The following RBKS variants were observed in gnomAD, a reference collection of about 807,000 sequenced individuals.
RBKS encodes the protein ribokinase.
Under a neutral mutation model 33.9 loss-of-function variants are expected in RBKS, and 33 were observed. The observed-to-expected ratio is 0.97, with a 90% CI of 0.74 to 1.30. RBKS has a LOEUF of 1.30. Among genes scored for constraint, RBKS ranks in the 50% most tolerant of loss-of-function variants. The probability of loss-of-function intolerance (pLI) is 0.00; values close to 1 mark genes in which losing one functional copy is unlikely to be tolerated. For missense variants in RBKS, 361 were observed against 392.6 expected, an observed-to-expected ratio of 0.92 and a Z score of 0.68; for synonymous variants, 125 against 143.0, an observed-to-expected ratio of 0.87 and a Z score of 0.90.
chr2:27,845,908 T>C lies in RBKS; in HGVS notation c.349+1134A>G, dbSNP rs553127424. On this transcript the variant is annotated intron_variant, in intron 4 of 7. Transcript: ENST00000302188. ...TGATTTAAAAAAACTTATGTAGGCGTTTTTATAATTAAAACAGTTGGCAGA... is the reference window on the plus strand; with the variant it reads ...TGATTTAAAAAAACTTATGTAGGCGCTTTTATAATTAAAACAGTTGGCAGA... 2.3e-4 allele frequency among the ~76,000 whole-genome samples: 35 copies of C among 152,306 alleles called. No individual in the cohort carries two copies. In the South Asian group the frequency reaches 7.2e-3, roughly 32 times the overall value.
chr2:27,890,252 C>A lies in RBKS; in HGVS notation c.89+5G>T. Reference sequence around the variant, plus strand: ...CGCAGACTGAGTAACTGGCCCCGGACTAACCTGACCAGGTCGGTCATGCAG... The same window carrying A: ...CGCAGACTGAGTAACTGGCCCCGGAATAACCTGACCAGGTCGGTCATGCAG... On this transcript the variant is annotated splice_donor_5th_base_variant and intron_variant, in intron 1 of 7. Transcript: ENST00000302188. The surrounding 1 kb of genome is among the most constrained non-coding windows in gnomAD (Gnocchi z 4.8). 4 of 1,613,402 alleles carry A rather than the reference C, an allele frequency of 2.5e-6. No homozygotes were observed. The highest frequency in any genetic ancestry group is 3.4e-6 in the Non-Finnish European group (4 of 1,179,864).
chr2:27,863,936 C>T (rs1231782571), intron 1 of RBKS, among the ~76,000 whole-genome samples: 1 of 152,184 alleles, frequency 6.6e-6, no homozygotes, highest in African/African-American at 2.4e-5. Context: ...GTTCCCTAAC[C>T]CTTCATTTGC....
At chr2:27,826,073 A>T (rs547637701) in intron 7 of RBKS, among the ~76,000 whole-genome samples, 3 of 152,356 alleles carry the variant, frequency 2.0e-5, no homozygotes, top group African/African-American at 7.2e-5. Flanking sequence ...GAAATGACTA[A>T]ATATGAAGAG....
intron 1 of RBKS, among the ~76,000 whole-genome samples, chr2:27,885,552 G>T (rs1398859896): frequency 6.6e-6 from 1 of 151,812 alleles, no homozygotes; most frequent in East Asian, 1.9e-4. Context: ...TATTCCTTCT[G>T]CCTGGAATGC....
At chr2:27,886,958 C>A (rs753606767) in intron 1 of RBKS, among the ~76,000 whole-genome samples, 1 of 152,076 alleles carries the variant, frequency 6.6e-6, no homozygotes, top group African/African-American at 2.4e-5. Flanking sequence ...CAAGCTTAAC[C>A]ACTGTGGTAG....
chr2:27,858,742 T>G (rs750704633), intron 1 of RBKS, among the ~76,000 whole-genome samples, 171 bp from the exon 2 acceptor site: 1 of 152,184 alleles, frequency 6.6e-6, no homozygotes, highest in East Asian at 1.9e-4. Flanking sequence ...ATTTAGTAGT[T>G]TGCATCATTA....
At chr2:27,847,373 A>T (rs890043952) in intron 3 of RBKS, among the ~76,000 whole-genome samples, 1 of 152,238 alleles carries the variant, frequency 6.6e-6, no homozygotes, top group African/African-American at 2.4e-5. Context: ...CCAATTATTC[A>T]TAATTGTATA....
In RBKS at chr2:27,856,303, G is replaced by A. The variant is rs139107130; in HGVS notation, c.222+2136C>T. 6.3e-3 allele frequency among the ~76,000 whole-genome samples: 966 copies of A among 152,298 alleles called. 7 individuals carry two copies. Among genetic ancestry groups the A allele is most frequent in the Non-Finnish European group, 7.9e-3 (538 of 68,032 alleles). On this transcript the variant is annotated intron_variant, in intron 2 of 7. Coordinates refer to ENST00000302188, the MANE Select transcript of RBKS (RefSeq NM_022128.3). ...TGCTAAGCATTAGGTGACTAAATCA[G>A]GGGCATGGTAGATGTATAGAACTTT...
At position 27,890,156 on chromosome 2, in the gene RBKS, C is replaced by A; in HGVS notation, c.89+101G>T. 9.3e-7 allele frequency: 1 copy of A among 1,077,334 alleles called. No homozygotes were observed. The highest frequency in any genetic ancestry group is 1.4e-5 in the South Asian group (1 of 73,714). 66.7% of individuals were successfully genotyped at this position (1,077,334 alleles called of 1,614,324 possible). ...AGCTCATACCCAAAGCTAGCACTGT[C>A]TATCCCTGGAGACCCAGCGCCCAAA... On this transcript the variant is annotated intron_variant, in intron 1 of 7. Coordinates refer to ENST00000302188, the MANE Select transcript of RBKS (RefSeq NM_022128.3). The surrounding 1 kb of genome is among the most constrained non-coding windows in gnomAD (Gnocchi z 4.8).
chr2:27,876,001 A>C (rs929293645), intron 1 of RBKS, among the ~76,000 whole-genome samples: 14 of 152,352 alleles, frequency 9.2e-5, no homozygotes, highest in African/African-American at 2.4e-4. Context: ...AGTAAGATGC[A>C]GAATAGGGAC....
intron 4 of RBKS, among the ~76,000 whole-genome samples, chr2:27,844,326 C>T (rs922450602): frequency 3.4e-5 from 5 of 149,218 alleles, no homozygotes; most frequent in East Asian, 2.0e-4. Flanking sequence ...AAAATACAAG[C>T]GGATTTCAAA....
At chr2:27,827,924 A>G (rs1678347142) in intron 6 of RBKS, among the ~76,000 whole-genome samples, 169 bp from the exon 7 acceptor site, 1 of 152,224 alleles carries the variant, frequency 6.6e-6, no homozygotes, top group Non-Finnish European at 1.5e-5. Context: ...AACAGTGATG[A>G]CAAAAACCAT....
At position 27,795,703 on chromosome 2, in the gene RBKS, C is replaced by T. The variant is rs559228319; in HGVS notation, c.796-13915G>A. ...ACTTTGTACCCAGACCCAGTGATTC[C>T]GCTCCCATCCTGTTTCACCACCCAG... is the stretch of plus-strand genomic sequence containing the variant. On this transcript the variant is annotated intron_variant, in intron 7 of 7. Transcript: ENST00000302188. This position sits in a 1 kb window ranked among gnomAD's most constrained non-coding sequence, Gnocchi z 4.1. 6.6e-5 allele frequency among the ~76,000 whole-genome samples: 10 copies of T among 152,200 alleles called. No individual in the cohort carries two copies. Among genetic ancestry groups the T allele is most frequent in the African/African-American group, 9.6e-5 (4 of 41,502 alleles).
intron 7 of RBKS, among the ~76,000 whole-genome samples, chr2:27,811,533 A>C (rs577434816): frequency 6.6e-6 from 1 of 152,306 alleles, no homozygotes; most frequent in African/African-American, 2.4e-5. Flanking sequence ...TCTGAGAATA[A>C]GATGAAAGGC....
intron 1 of RBKS, among the ~76,000 whole-genome samples, chr2:27,861,947 ATTTTTTT>A (rs763090773): frequency 1.8e-5 from 2 of 113,726 alleles, no homozygotes; most frequent in African/African-American, 7.0e-5. Context: ...GCCTGGCCTG[ATTTTTTT>A]TTTTTTTTTT....
intron 1 of RBKS, among the ~76,000 whole-genome samples, chr2:27,860,382 C>T (rs1472896058): frequency 6.6e-6 from 1 of 152,106 alleles, no homozygotes; most frequent in Non-Finnish European, 1.5e-5. Flanking sequence ...CTGCTACAAA[C>T]AACACTCAGA....
At chr2:27,841,285 G>A (rs1663499273) in intron 5 of RBKS, among the ~76,000 whole-genome samples, 1 of 152,136 alleles carries the variant, frequency 6.6e-6, no homozygotes, top group Admixed American at 6.5e-5. Context: ...GTAGGTAACA[G>A]GCAACTAGAC....
At chr2:27,839,205 A>T (rs192472117) in intron 5 of RBKS, among the ~76,000 whole-genome samples, 9 of 152,368 alleles carry the variant, frequency 5.9e-5, no homozygotes, top group African/African-American at 2.2e-4. Flanking sequence ...CTGGATGGCC[A>T]GATAAGAAGT....
intron 7 of RBKS, among the ~76,000 whole-genome samples, chr2:27,817,340 TA>T (rs1250130192): frequency 5.9e-5 from 9 of 152,170 alleles, no homozygotes; most frequent in East Asian, 1.9e-4. Context: ...AGAAATGTAA[TA>T]AAAAAATGAT....
Sources: gnomAD v4.1 joint callset for allele counts (sites outside exome capture counted in the v4.1 genomes callset) on GRCh38, gnomAD v4.1.1 for gene constraint, Gnocchi (gnomAD v3.1) non-coding constraint, MANE v1.5 for transcripts, NCBI Gene and HGNC (gene_info 2026-07-23, HGNC 2026-07-21) for gene names.